The following MPPED2 variants were observed in gnomAD, a reference collection of about 807,000 sequenced individuals.
The protein encoded by MPPED2 is metallophosphoesterase domain containing 2.
MPPED2 carries 5 observed loss-of-function variants against 33.0 expected under a neutral mutation model. The ratio of observed to expected loss-of-function variants is 0.15; its 90% CI spans 0.08 to 0.32. The LOEUF (loss-of-function observed/expected upper bound fraction) is 0.32. MPPED2 is among the 10% of genes least tolerant of loss of function. MPPED2 has a pLI of 1.00. For missense variants in MPPED2, 275 were observed against 372.1 expected, an observed-to-expected ratio of 0.74 and a Z score of 2.15; for synonymous variants, 136 against 141.9, an observed-to-expected ratio of 0.96 and a Z score of 0.29.
chr11:30,583,320 T>C (rs758049748), intron 1 of MPPED2, among the ~76,000 whole-genome samples: 5 of 152,246 alleles, frequency 3.3e-5, no homozygotes, highest in Non-Finnish European at 5.9e-5. Context: ...GATCAGATTT[T>C]CGTGCATCTC....
At chr11:30,430,751 A>G (rs1038071740) in intron 4 of MPPED2, among the ~76,000 whole-genome samples, 1 of 152,246 alleles carries the variant, frequency 6.6e-6, no homozygotes, top group African/African-American at 2.4e-5. Context: ...ATATCCAGTA[A>G]AATACATATT....
At chr11:30,532,067 C>A (rs1423010804) in intron 3 of MPPED2, among the ~76,000 whole-genome samples, 2 of 152,196 alleles carry the variant, frequency 1.3e-5, no homozygotes, top group Non-Finnish European at 2.9e-5. Context: ...TAAAAGGAAG[C>A]TAATAATACC....
intron 4 of MPPED2, among the ~76,000 whole-genome samples, chr11:30,477,756 C>T (rs373693022): frequency 6.6e-6 from 1 of 151,902 alleles, no homozygotes; most frequent in Admixed American, 6.6e-5. Context: ...CTTCAAATTT[C>T]GGAAAGATTT....
At chr11:30,436,063 T>G (rs1229985808) in intron 4 of MPPED2, among the ~76,000 whole-genome samples, 2 of 150,618 alleles carry the variant, frequency 1.3e-5, no homozygotes, top group Non-Finnish European at 3.0e-5. Flanking sequence ...TTTTTTTTTT[T>G]TTTTTTTTTT....
intron 1 of MPPED2, among the ~76,000 whole-genome samples, chr11:30,585,579 G>A (rs993614386): frequency 6.6e-6 from 1 of 151,976 alleles, no homozygotes; most frequent in African/African-American, 2.4e-5. Context: ...CTGAGCCCTC[G>A]TCCCCACCCC....
chr11:30,470,756 C>T (rs980089340), intron 4 of MPPED2, among the ~76,000 whole-genome samples: 2 of 152,262 alleles, frequency 1.3e-5, no homozygotes, highest in African/African-American at 4.8e-5. Flanking sequence ...ATTTCTACTT[C>T]CAGACTCATG....
At chr11:30,555,430 C>T (rs962515650) in intron 2 of MPPED2, among the ~76,000 whole-genome samples, 14 of 152,188 alleles carry the variant, frequency 9.2e-5, no homozygotes, top group African/African-American at 2.9e-4. Context: ...TCACATGGTT[C>T]TTAGATGAGT....
chr11:30,386,776 G>A (rs1005775704), exon 7 of MPPED2: 3 of 398,412 alleles, frequency 7.5e-6, no homozygotes, highest in African/African-American at 6.2e-5. Flanking sequence ...TGGGTGCATA[G>A]TCCATGATTC....
At chr11:30,394,063 T>C (rs1947811605) in intron 6 of MPPED2, among the ~76,000 whole-genome samples, 1 of 152,224 alleles carries the variant, frequency 6.6e-6, no homozygotes, top group Non-Finnish European at 1.5e-5. Context: ...CTCAGCATAA[T>C]GTCTTTGCGA....
chr11:30,580,684 A>G (rs532194931), intron 1 of MPPED2, among the ~76,000 whole-genome samples, 190 bp from the exon 2 acceptor site: 113 of 152,330 alleles, frequency 7.4e-4, no homozygotes, highest in South Asian at 2.1e-3. Flanking sequence ...CACTCTATAC[A>G]TATTGCTGGG....
chr11:30,531,846 T>C (rs1455563965), intron 3 of MPPED2, among the ~76,000 whole-genome samples: 1 of 152,248 alleles, frequency 6.6e-6, no homozygotes, highest in African/African-American at 2.4e-5. Flanking sequence ...CCTGAACATA[T>C]GTACGTGTAA....
intron 4 of MPPED2, among the ~76,000 whole-genome samples, chr11:30,473,999 C>A (rs1343474876): frequency 6.6e-6 from 1 of 152,188 alleles, no homozygotes; most frequent in Non-Finnish European, 1.5e-5. Flanking sequence ...GTGAGAAAGA[C>A]TGAGCTAGAG....
intron 4 of MPPED2, among the ~76,000 whole-genome samples, chr11:30,478,194 G>T (rs778621590): frequency 6.6e-6 from 1 of 151,942 alleles, no homozygotes; most frequent in Non-Finnish European, 1.5e-5. Context: ...AAGCCCTTGG[G>T]TAGTTATTTT....
chr11:30,436,102 T>C (rs1189105715), intron 4 of MPPED2, among the ~76,000 whole-genome samples: 4 of 147,470 alleles, frequency 2.7e-5, no homozygotes, highest in African/African-American at 7.5e-5. Context: ...TCTGCCAACC[T>C]GAGATAAGAG....
At chr11:30,510,876 A>T (rs755830569) in intron 3 of MPPED2, among the ~76,000 whole-genome samples, 3 of 152,196 alleles carry the variant, frequency 2.0e-5, no homozygotes, top group Non-Finnish European at 4.4e-5. Context: ...TGTAAAGTTG[A>T]TCCCTTACTA....
At chr11:30,458,691 C>T (rs1950383218) in intron 4 of MPPED2, among the ~76,000 whole-genome samples, 1 of 152,088 alleles carries the variant, frequency 6.6e-6, no homozygotes, top group Admixed American at 6.5e-5. Flanking sequence ...AAAAATCACC[C>T]TGGGTGCTAA....
Position 30,580,452 on chromosome 11 carries a change from C to A in MPPED2, c.-79G>T, listed in dbSNP as rs1258086459. 1.9e-6 allele frequency: 3 copies of A among 1,569,730 alleles called. No homozygotes were observed. Among genetic ancestry groups the A allele is most frequent in the Non-Finnish European group, 2.6e-6 (3 of 1,155,230 alleles). ...AGCAGGCATGGTGCGTTTCAGCCAA[C>A]CTCTGAATCCAAGGATCTACTCATC... On this transcript the variant is annotated 5_prime_UTR_variant, in exon 2 of 7. Coordinates refer to ENST00000358117, the MANE Select transcript of MPPED2 (RefSeq NM_001584.3).
At chr11:30,528,505 T>A (rs1954331070) in intron 3 of MPPED2, among the ~76,000 whole-genome samples, 1 of 152,162 alleles carries the variant, frequency 6.6e-6, no homozygotes, top group South Asian at 2.1e-4. Context: ...TGATCCACCC[T>A]CTTTGGCTCC....
At position 30,547,605 on chromosome 11, in the gene MPPED2, A is replaced by C. The variant is rs139727066; in HGVS notation, c.129-11430T>G. Among the ~76,000 whole-genome samples, 3 of 152,352 alleles carry C rather than the reference A, an allele frequency of 2.0e-5. No individual in the cohort carries two copies. The East Asian group carries it at 5.8e-4, about 29-fold the overall frequency. ...TTGTATAACTTTGTAACTTATAGAT[A>C]ATGAAAAGCAATGCAAATAATTTTT... On this transcript the variant is annotated intron_variant, in intron 2 of 6. Transcript: ENST00000358117.
Sources: allele counts gnomAD v4.1 joint callset (sites outside exome capture counted in the v4.1 genomes callset), GRCh38; gene constraint gnomAD v4.1.1; transcripts MANE v1.5; gene names NCBI Gene and HGNC (gene_info 2026-07-23, HGNC 2026-07-21).